REC114: variants seen among roughly 807,000 people sequenced by gnomAD.
REC114 encodes the protein meiotic recombination protein REC114.
A neutral mutation model predicts 31.3 loss-of-function variants in REC114; 27 were observed. The observed-to-expected ratio is 0.86, with a 90% CI of 0.64 to 1.19. REC114 has a LOEUF of 1.19. REC114 is among the 50% of genes most tolerant of loss of function. The probability of loss-of-function intolerance (pLI) is 0.00; values close to 1 mark genes in which losing one functional copy is unlikely to be tolerated. For synonymous variants in REC114, 134 were observed against 127.7 expected (o/e 1.05, Z -0.33); for missense variants, 344 against 326.9 (o/e 1.05, Z -0.40).
At chr15:73,500,472 TAGAAGTC>T in intron 2 of REC114, among the ~76,000 whole-genome samples, 1 of 152,256 alleles carries the variant, frequency 6.6e-6, no homozygotes, top group East Asian at 1.9e-4. Context: ...TCTATGGTGA[TAGAAGTC>T]AGGATAGCAG....
chr15:73,454,094 G>A (rs987996857), intron 1 of REC114, among the ~76,000 whole-genome samples: 1 of 151,946 alleles, frequency 6.6e-6, no homozygotes, highest in Admixed American at 6.6e-5. Context: ...TTCTGCACAT[G>A]TACCCCAGAA....
At chr15:73,457,087 T>C (rs974570276) in intron 1 of REC114, among the ~76,000 whole-genome samples, 36 of 148,520 alleles carry the variant, frequency 2.4e-4, no homozygotes, top group Non-Finnish European at 4.2e-4. Flanking sequence ...TTTTTTTTTT[T>C]CCAGATAAGT....
intron 3 of REC114, among the ~76,000 whole-genome samples, chr15:73,549,409 A>C (rs117592693): frequency 0.014 from 2,186 of 152,312 alleles, 89 homozygotes; most frequent in Admixed American, 0.087. Context: ...AAAAGAAAGA[A>C]TGAACAGGAC....
chr15:73,531,823 T>G (rs1164330553), intron 2 of REC114, among the ~76,000 whole-genome samples: 1 of 152,098 alleles, frequency 6.6e-6, no homozygotes, highest in East Asian at 1.9e-4. Context: ...TTATTTCTAC[T>G]CCATCCCTGT....
At chr15:73,540,710 T>C in intron 3 of REC114, 142 bp downstream of exon 3, 2 of 745,516 alleles carry the variant, frequency 2.7e-6, no homozygotes. Context: ...GAGAAAAACA[T>C]GAAACAAGGA....
At chr15:73,526,305 T>A (rs1286674995) in intron 2 of REC114, among the ~76,000 whole-genome samples, 1 of 152,238 alleles carries the variant, frequency 6.6e-6, no homozygotes, top group Admixed American at 6.5e-5. Flanking sequence ...ACCCTTTGCA[T>A]TTAATGTGAT....
At chr15:73,544,077 T>G (rs1224960570) in intron 3 of REC114, among the ~76,000 whole-genome samples, 2 of 151,770 alleles carry the variant, frequency 1.3e-5, no homozygotes, top group Non-Finnish European at 2.9e-5. Flanking sequence ...TTCTGAGTAG[T>G]TAGGACCACA....
In REC114 at chr15:73,443,243, G is replaced by A. The variant is rs377562089; in HGVS notation, c.58G>A (p.Glu20Lys). The change falls in exon 1 of 6, where the codon GAG (glutamate) becomes AAG (lysine). Residue 20 changes from glutamate to lysine, a missense_variant. By Grantham distance (56) the Glu-to-Lys change is moderately conservative. Coordinates refer to ENST00000331090, the MANE Select transcript of REC114 (RefSeq NM_001042367.2). ...SLGLTGGEAA[E>K]WPLQRYARCI... is the part of the protein sequence containing the mutation. ...CGGGCTTACCGGAGGAGAAGCGGCA[G>A]AGTGGCCTCTGCAGCGGTACGCCCG... 6.7e-5 allele frequency: 106 copies of A among 1,574,138 alleles called. No individual in the cohort carries two copies. In the African/African-American group the frequency reaches 1.3e-3, roughly 19 times the overall value.
intron 2 of REC114, among the ~76,000 whole-genome samples, chr15:73,531,289 T>C (rs561828115): frequency 6.6e-6 from 1 of 152,138 alleles, no homozygotes; most frequent in African/African-American, 2.4e-5. Context: ...TTTCCCACCA[T>C]CTTTGGACTT....
intron 1 of REC114, among the ~76,000 whole-genome samples, chr15:73,462,232 C>T (rs1360736127): frequency 6.6e-6 from 1 of 151,870 alleles, no homozygotes; most frequent in Non-Finnish European, 1.5e-5. Context: ...GCCCAGCCAA[C>T]ATTTTTCTTT....
At chr15:73,558,867 TTTATTC>T (rs1894520332) in intron 5 of REC114, among the ~76,000 whole-genome samples, 3 of 152,354 alleles carry the variant, frequency 2.0e-5, no homozygotes, top group Middle Eastern at 6.8e-3. Flanking sequence ...TTATAGCATC[TTTATTC>T]ATAATTGCAA....
chr15:73,525,333 A>C (rs910736854), intron 2 of REC114, among the ~76,000 whole-genome samples: 5 of 152,054 alleles, frequency 3.3e-5, no homozygotes, highest in Admixed American at 2.0e-4. Context: ...TTTTTGTTTC[A>C]TTAAATTTTC....
intron 1 of REC114, among the ~76,000 whole-genome samples, chr15:73,465,870 G>A (rs1893049912): frequency 1.3e-5 from 2 of 151,934 alleles, no homozygotes; most frequent in South Asian, 4.2e-4. Flanking sequence ...ATTTTATTTT[G>A]AGACGGAGTC....
At chr15:73,443,562 T>A (rs142280244) in intron 1 of REC114, among the ~76,000 whole-genome samples, 8 of 152,224 alleles carry the variant, frequency 5.3e-5, no homozygotes, top group African/African-American at 1.4e-4. Context: ...AAAATAATTA[T>A]GCAAGGGAGT....
chr15:73,517,330 A>T (rs1893871877), intron 2 of REC114, among the ~76,000 whole-genome samples: 2 of 152,188 alleles, frequency 1.3e-5, no homozygotes, highest in South Asian at 4.1e-4. Context: ...AAGAAAAAAA[A>T]TTTTTTTAAA....
At chr15:73,508,857 G>C (rs1367564269) in intron 2 of REC114, among the ~76,000 whole-genome samples, 1 of 151,462 alleles carries the variant, frequency 6.6e-6, no homozygotes, top group African/African-American at 2.4e-5. Context: ...TTGGACATTT[G>C]GGTTGGTTCC....
rs547437276 is a variant in REC114 at position 73,549,424 on chromosome 15, T to A, written c.334-1514T>A. 5.3e-5 allele frequency among the ~76,000 whole-genome samples: 8 copies of A among 152,306 alleles called. No individual in the cohort carries two copies. The South Asian group carries it at 1.2e-3, about 24-fold the overall frequency. On this transcript the variant is annotated intron_variant, in intron 3 of 5. Transcript: ENST00000331090. ...AAAAGAAAGAATGAACAGGACCTAGTATTTGATAGCACAACAGGATGACGA... is the reference window on the plus strand; with the variant it reads ...AAAAGAAAGAATGAACAGGACCTAGAATTTGATAGCACAACAGGATGACGA...
chr15:73,545,690 C>A (rs1894299229), intron 3 of REC114, among the ~76,000 whole-genome samples: 2 of 152,128 alleles, frequency 1.3e-5, no homozygotes, highest in Non-Finnish European at 2.9e-5. Context: ...GCTATCCAAA[C>A]TGATTATTAT....
chr15:73,465,443 G>C (rs1428357827), intron 1 of REC114, among the ~76,000 whole-genome samples: 1 of 152,076 alleles, frequency 6.6e-6, no homozygotes, highest in African/African-American at 2.4e-5. Context: ...TCATACCTTT[G>C]GTCTTTGCTC....
Sources: gnomAD v4.1 joint callset for allele counts (sites outside exome capture counted in the v4.1 genomes callset) on GRCh38, gnomAD v4.1.1 for gene constraint, MANE v1.5 for transcripts, NCBI Gene and HGNC (gene_info 2026-07-23, HGNC 2026-07-21) for gene names.